Variants in LRRC4C observed in about 807,000 individuals in gnomAD.
The protein encoded by LRRC4C is leucine rich repeat containing 4C.
LRRC4C carries 5 observed loss-of-function variants against 33.6 expected under a neutral mutation model. The observed-to-expected ratio is 0.15, with a 90% CI of 0.08 to 0.31. The LOEUF (loss-of-function observed/expected upper bound fraction) is 0.31. Among genes scored for constraint, LRRC4C ranks in the 10% least tolerant of loss-of-function variants. The pLI is 1.00. For missense variants in LRRC4C, 560 were observed against 796.7 expected (o/e 0.70, Z 3.58); for synonymous variants, 329 against 302.0 (o/e 1.09, Z -0.93).
At chr11:40,828,766 T>C (rs190293301) in intron 2 of LRRC4C, among the ~76,000 whole-genome samples, 46 of 152,024 alleles carry the variant, frequency 3.0e-4, no homozygotes, top group Admixed American at 3.0e-3. Flanking sequence ...GGGCTTGTAC[T>C]AGACAATTTG....
chr11:40,999,346 A>T (rs955029938), intron 1 of LRRC4C, among the ~76,000 whole-genome samples: 1 of 152,166 alleles, frequency 6.6e-6, no homozygotes, highest in Non-Finnish European at 1.5e-5. Context: ...TCCACATTTT[A>T]AAAAAATTAA....
rs35416837 is a variant in LRRC4C, at chr11:40,937,603, A to ATGTGTGTGTGTGTG, written c.-495-3894_-495-3881dup. On this transcript the variant is annotated intron_variant, in intron 1 of 6. Coordinates refer to ENST00000528697, the MANE Select transcript of LRRC4C (RefSeq NM_001258419.2). ...ATTCACTCTTCTTGAGTGTGTGTAT[A>ATGTGTGTGTGTGTG]TGTGTGTGTGTGTGTGTGTGTGTGT... Among the ~76,000 whole-genome samples, 316 of 135,990 alleles carry ATGTGTGTGTGTGTG rather than the reference A, an allele frequency of 2.3e-3. 3 individuals are homozygous for ATGTGTGTGTGTGTG. Among genetic ancestry groups the ATGTGTGTGTGTGTG allele is most frequent in the African/African-American group, 8.5e-3 (292 of 34,490 alleles). 89.2% of individuals were successfully genotyped at this position (135,990 alleles called of 152,430 possible). A position where few individuals can be genotyped will look rare whatever the true frequency, so the allele number is the denominator to read the frequency against.
chr11:40,211,103 C>T (rs1863573256), intron 5 of LRRC4C, among the ~76,000 whole-genome samples: 1 of 152,200 alleles, frequency 6.6e-6, no homozygotes, highest in African/African-American at 2.4e-5. Context: ...TATCATGCAA[C>T]ATACTCAAGT....
intron 1 of LRRC4C, among the ~76,000 whole-genome samples, chr11:41,192,322 ATGTG>A (rs112844436): frequency 0.05 from 7,307 of 145,884 alleles, 336 homozygotes; most frequent in African/African-American, 0.12. Context: ...CATGAATTAA[ATGTG>A]TGTGTGTGTG....
At chr11:40,816,898 G>A (rs188465167) in intron 2 of LRRC4C, among the ~76,000 whole-genome samples, 186 of 152,214 alleles carry the variant, frequency 1.2e-3, no homozygotes, top group Non-Finnish European at 2.0e-3. Flanking sequence ...GGCTTTCCAC[G>A]TATAGGTAGA....
rs150757003 is a variant in LRRC4C, at chr11:40,614,052, G to T, written c.-270+34090C>A. Among the ~76,000 whole-genome samples the T allele has an allele frequency of 1.3e-3, 193 of 151,848 alleles. 1 individual carries two copies. Among genetic ancestry groups the T allele is most frequent in the African/African-American group, 4.5e-3 (186 of 41,498 alleles). On this transcript the variant is annotated intron_variant, in intron 3 of 6. Transcript: ENST00000528697. The stretch of plus-strand genomic sequence containing the variant: ...CTGTAGGAGTTTCAGACTGGTAAAT[G>T]AACATTGGCTTCAACTTAAGTCACC...
intron 3 of LRRC4C, among the ~76,000 whole-genome samples, chr11:40,610,612 A>G (rs567823491): frequency 2.6e-5 from 4 of 152,078 alleles, no homozygotes; most frequent in East Asian, 1.9e-4. Flanking sequence ...ATAATTTTAT[A>G]TGTAGAAAAC....
chr11:40,266,376 T>C (rs1326899902), intron 4 of LRRC4C, among the ~76,000 whole-genome samples: 1 of 151,968 alleles, frequency 6.6e-6, no homozygotes, highest in African/African-American at 2.4e-5. Flanking sequence ...ATCCAGCACT[T>C]TGGGAGTCCA....
At chr11:40,988,108 T>A (rs570841385) in intron 1 of LRRC4C, among the ~76,000 whole-genome samples, 1 of 152,212 alleles carries the variant, frequency 6.6e-6, no homozygotes, top group Non-Finnish European at 1.5e-5. Context: ...GCTCCTGTAG[T>A]TTTTGCTCAC....
chr11:41,413,210 T>A (rs1299816891), intron 1 of LRRC4C, among the ~76,000 whole-genome samples: 1 of 152,152 alleles, frequency 6.6e-6, no homozygotes, highest in East Asian at 1.9e-4. Flanking sequence ...GTCTCAACAT[T>A]CTCAAAAGAT....
intron 4 of LRRC4C, among the ~76,000 whole-genome samples, chr11:40,298,402 T>A (rs1474234060): frequency 6.6e-6 from 1 of 151,000 alleles, no homozygotes; most frequent in East Asian, 2.0e-4. Flanking sequence ...TCTAGAATGG[T>A]CTCAGCTATA....
At chr11:40,521,561 T>C (rs1955813520) in intron 3 of LRRC4C, among the ~76,000 whole-genome samples, 1 of 152,098 alleles carries the variant, frequency 6.6e-6, no homozygotes, top group South Asian at 2.1e-4. Context: ...GTCATTAGCC[T>C]CAGAAAATGT....
intron 1 of LRRC4C, among the ~76,000 whole-genome samples, chr11:41,003,847 G>C (rs1013561172): frequency 6.6e-6 from 1 of 151,804 alleles, no homozygotes; most frequent in Non-Finnish European, 1.5e-5. Flanking sequence ...CTTACATCAG[G>C]GTGTTTTATG....
intron 5 of LRRC4C, among the ~76,000 whole-genome samples, chr11:40,237,795 T>G (rs904283315): frequency 6.6e-6 from 1 of 152,138 alleles, no homozygotes; most frequent in African/African-American, 2.4e-5. Context: ...CAGTCTGATT[T>G]GACAAAAATC....
chr11:40,675,595 T>C (rs1278778295), intron 2 of LRRC4C, among the ~76,000 whole-genome samples: 4 of 152,174 alleles, frequency 2.6e-5, no homozygotes, highest in Non-Finnish European at 4.4e-5. Flanking sequence ...CTTATATGAC[T>C]CCCCAGCTGC....
chr11:41,308,240 T>A (rs1458786214), intron 1 of LRRC4C, among the ~76,000 whole-genome samples: 3 of 152,216 alleles, frequency 2.0e-5, no homozygotes, highest in Non-Finnish European at 4.4e-5. Flanking sequence ...CTCTGAGGGA[T>A]TGCTTTTTTT....
intron 3 of LRRC4C, among the ~76,000 whole-genome samples, chr11:40,342,021 C>A (rs1385459524): frequency 1.3e-5 from 2 of 150,258 alleles, no homozygotes; most frequent in African/African-American, 2.4e-5. Flanking sequence ...CAAAATAAGT[C>A]TTTTTAAAGA....
intron 1 of LRRC4C, among the ~76,000 whole-genome samples, chr11:41,199,570 A>C (rs1222062954): frequency 6.6e-6 from 1 of 152,102 alleles, no homozygotes; most frequent in Non-Finnish European, 1.5e-5. Flanking sequence ...TAGAGTGTAG[A>C]CTTCTTAGAT....
At chr11:40,930,945 T>C (rs1040977797) in intron 2 of LRRC4C, among the ~76,000 whole-genome samples, 4 of 152,158 alleles carry the variant, frequency 2.6e-5, no homozygotes, top group Non-Finnish European at 5.9e-5. Context: ...ACCAATCAGT[T>C]TGGATTTTCC....
Sources: gnomAD v4.1 joint callset for allele counts (sites outside exome capture counted in the v4.1 genomes callset) on GRCh38, gnomAD v4.1.1 for gene constraint, MANE v1.5 for transcripts, NCBI Gene and HGNC (gene_info 2026-07-23, HGNC 2026-07-21) for gene names.